WWOX: variants seen among roughly 807,000 people sequenced by gnomAD.
WWOX encodes WW domain containing oxidoreductase.
In WWOX, 69 loss-of-function variants were observed where a neutral mutation model predicts 46.2. That is an observed-to-expected ratio of 1.49 (90% CI 1.23 to 1.82). The LOEUF (loss-of-function observed/expected upper bound fraction) is 1.82, where lower values mean the gene tolerates loss of function less well. Among genes scored for constraint, WWOX ranks in the 40% most tolerant of loss-of-function variants. WWOX has a pLI of 0.00. For synonymous variants in WWOX, 359 were observed against 202.6 expected, an observed-to-expected ratio of 1.77 and a Z score of -6.56; for missense variants, 919 against 542.6, an observed-to-expected ratio of 1.69 and a Z score of -6.89.
At chr16:78,722,899 A>G (rs1222410744) in intron 8 of WWOX, among the ~76,000 whole-genome samples, 1 of 151,878 alleles carries the variant, frequency 6.6e-6, no homozygotes. Context: ...AAAATTAGCC[A>G]GGCGCAGTGG....
chr16:78,957,427 C>A (rs936934144), intron 8 of WWOX, among the ~76,000 whole-genome samples: 1 of 152,170 alleles, frequency 6.6e-6, no homozygotes, highest in Non-Finnish European at 1.5e-5. Context: ...ATGCTTCAGG[C>A]CTGAACTTGT....
chr16:78,640,226 G>GTTTTT (rs34129775), intron 8 of WWOX, among the ~76,000 whole-genome samples: 5 of 65,346 alleles, frequency 7.7e-5, no homozygotes, highest in African/African-American at 3.1e-4. Context: ...TTGTTGTTGG[G>GTTTTT]TTTTTTTTTT....
intron 4 of WWOX, among the ~76,000 whole-genome samples, chr16:78,158,716 TAA>T (rs1273608151): frequency 6.6e-6 from 1 of 152,154 alleles, no homozygotes; most frequent in African/African-American, 2.4e-5. Flanking sequence ...TTTTCATTTT[TAA>T]AAACAACTTT....
intron 8 of WWOX, among the ~76,000 whole-genome samples, chr16:78,490,166 G>C (rs2084743904): frequency 6.7e-6 from 1 of 149,624 alleles, no homozygotes; most frequent in Admixed American, 6.6e-5. Context: ...GGTGGCGTTG[G>C]CTTTTACTTG....
At chr16:78,821,464 G>A (rs2051491487) in intron 8 of WWOX, among the ~76,000 whole-genome samples, 1 of 152,150 alleles carries the variant, frequency 6.6e-6, no homozygotes, top group Non-Finnish European at 1.5e-5. Context: ...TTTCAGGATT[G>A]CAAAATATTG....
At chr16:79,114,893 C>T (rs998614410) in intron 8 of WWOX, among the ~76,000 whole-genome samples, 1 of 152,216 alleles carries the variant, frequency 6.6e-6, no homozygotes, top group African/African-American at 2.4e-5. Context: ...TGTTTCCCAG[C>T]CCATTGGTGA....
At chr16:78,641,347 G>A (rs992247445) in intron 8 of WWOX, among the ~76,000 whole-genome samples, 1 of 151,882 alleles carries the variant, frequency 6.6e-6, no homozygotes, top group South Asian at 2.1e-4. Context: ...TTTTTAATTA[G>A]AAGCCTGGAA....
intron 8 of WWOX, among the ~76,000 whole-genome samples, chr16:79,011,124 C>G (rs967378636): frequency 7.2e-6 from 1 of 138,592 alleles, no homozygotes; most frequent in South Asian, 2.3e-4. Flanking sequence ...CATATCTACT[C>G]ACTCACACAT....
intron 8 of WWOX, among the ~76,000 whole-genome samples, chr16:79,108,500 G>C (rs1237983890): frequency 1.3e-5 from 2 of 152,260 alleles, no homozygotes; most frequent in Non-Finnish European, 2.9e-5. Context: ...GGATTGTCCA[G>C]GCTGAGCTGT....
At chr16:78,748,991 G>T (rs190190760) in intron 8 of WWOX, among the ~76,000 whole-genome samples, 1 of 152,210 alleles carries the variant, frequency 6.6e-6, no homozygotes, top group African/African-American at 2.4e-5. Flanking sequence ...CCAAATCAAC[G>T]ACTGCAAGGT....
chr16:78,276,355 G>A (rs1218947031), intron 5 of WWOX, among the ~76,000 whole-genome samples: 3 of 152,214 alleles, frequency 2.0e-5, no homozygotes, highest in Non-Finnish European at 4.4e-5. Context: ...GGCAGAGAGT[G>A]AGCATCCAGC....
chr16:78,632,883 G>A (rs929245858), intron 8 of WWOX, among the ~76,000 whole-genome samples: 17 of 151,814 alleles, frequency 1.1e-4, no homozygotes, highest in African/African-American at 2.4e-4. Flanking sequence ...TTGCCTGATC[G>A]CCTCTCCACC....
intron 8 of WWOX, among the ~76,000 whole-genome samples, chr16:78,801,514 T>A (rs2050888978): frequency 6.6e-6 from 1 of 152,138 alleles, no homozygotes; most frequent in South Asian, 2.1e-4. Flanking sequence ...ATCTCAAAAA[T>A]AAAGAAACCC....
chr16:78,800,601 C>G (rs1387620724), intron 8 of WWOX, among the ~76,000 whole-genome samples: 1 of 152,216 alleles, frequency 6.6e-6, no homozygotes, highest in Non-Finnish European at 1.5e-5. Flanking sequence ...TTGCCATTCG[C>G]TTCCTTTGCT....
intron 8 of WWOX, among the ~76,000 whole-genome samples, chr16:78,817,387 C>G (rs1197180120): frequency 2.6e-5 from 4 of 152,000 alleles, no homozygotes; most frequent in African/African-American, 4.8e-5. Flanking sequence ...GGCCAGCCTG[C>G]CAGAAGCATT....
chr16:79,059,648 C>G (rs2048325033), intron 8 of WWOX, among the ~76,000 whole-genome samples: 1 of 152,132 alleles, frequency 6.6e-6, no homozygotes, highest in African/African-American at 2.4e-5. Context: ...GCGCATGCCA[C>G]CATGCCCGGC....
At chr16:78,784,981 C>G (rs547773000) in intron 8 of WWOX, among the ~76,000 whole-genome samples, 7 of 152,156 alleles carry the variant, frequency 4.6e-5, no homozygotes, top group Non-Finnish European at 7.4e-5. Context: ...TGGGCAGGAG[C>G]AGCCAGAGGA....
At chr16:78,531,841 G>C (rs1322218346) in intron 8 of WWOX, among the ~76,000 whole-genome samples, 2 of 152,144 alleles carry the variant, frequency 1.3e-5, no homozygotes, top group African/African-American at 4.8e-5. Flanking sequence ...CTGGGCGACA[G>C]AGGAAGACTC....
intron 8 of WWOX, among the ~76,000 whole-genome samples, chr16:78,567,826 G>T (rs2044611363): frequency 6.6e-6 from 1 of 152,068 alleles, no homozygotes; most frequent in Admixed American, 6.5e-5. Context: ...TCTCGAGGAG[G>T]CCCATTACCG....
Sources: allele counts gnomAD v4.1 joint callset (sites outside exome capture counted in the v4.1 genomes callset), GRCh38; gene constraint gnomAD v4.1.1; transcripts MANE v1.5; gene names NCBI Gene and HGNC (gene_info 2026-07-23, HGNC 2026-07-21).